Variants in LAMA2 observed in about 807,000 individuals in gnomAD.
The protein encoded by LAMA2 is laminin subunit alpha-2.
LAMA2 carries 269 observed loss-of-function variants against 364.8 expected under a neutral mutation model. The ratio of observed to expected loss-of-function variants is 0.74; its 90% CI spans 0.67 to 0.82. LAMA2 has a LOEUF of 0.82. Ranked by LOEUF, LAMA2 falls within the 40% of genes least tolerant of loss-of-function variation. The pLI is 0.00. For missense variants in LAMA2, 3,807 were observed against 3,873.2 expected (o/e 0.98, Z 0.45); for synonymous variants, 1,379 against 1,370.6 (o/e 1.01, Z -0.14).
chr6:129,400,076 G>T (rs1322711542), intron 37 of LAMA2, among the ~76,000 whole-genome samples: 1 of 152,184 alleles, frequency 6.6e-6, no homozygotes, highest in Admixed American at 6.5e-5. Flanking sequence ...CATGATCAAA[G>T]TATTGGCAGA....
chr6:129,344,542 G>C (rs966969317), intron 30 of LAMA2, among the ~76,000 whole-genome samples: 2 of 152,168 alleles, frequency 1.3e-5, no homozygotes, highest in African/African-American at 2.4e-5. Flanking sequence ...GCAAATAGCT[G>C]CAGGAAATGG....
chr6:129,452,692 G>C (rs931405620), intron 45 of LAMA2, among the ~76,000 whole-genome samples: 1 of 152,090 alleles, frequency 6.6e-6, no homozygotes, highest in Non-Finnish European at 1.5e-5. Flanking sequence ...TTCCCATATT[G>C]ATAATGGAGA....
intron 1 of LAMA2, among the ~76,000 whole-genome samples, chr6:129,036,629 G>A (rs1217695399): frequency 1.3e-5 from 2 of 149,570 alleles, no homozygotes; most frequent in Admixed American, 6.6e-5. Context: ...TACTTTTTCT[G>A]ATTAAAAAAA....
intron 16 of LAMA2, among the ~76,000 whole-genome samples, chr6:129,269,775 A>G (rs1269396826): frequency 6.6e-6 from 1 of 152,146 alleles, no homozygotes; most frequent in Non-Finnish European, 1.5e-5. Context: ...AAATCGGGGA[A>G]AAAATCTTTC....
At chr6:129,138,078 G>T (rs1016387055) in intron 4 of LAMA2, among the ~76,000 whole-genome samples, 1 of 151,880 alleles carries the variant, frequency 6.6e-6, no homozygotes, top group African/African-American at 2.4e-5. Context: ...TTTGAGGAAA[G>T]GGCCTAAAGA....
intron 1 of LAMA2, among the ~76,000 whole-genome samples, chr6:128,947,777 T>C (rs1327399492): frequency 1.3e-5 from 2 of 152,088 alleles, no homozygotes; most frequent in African/African-American, 2.4e-5. Context: ...TTGTGGGACA[T>C]AGAGGGAGAC....
At position 129,263,139 on chromosome 6, in the gene LAMA2, GT is replaced by G. The variant is rs371094072; in HGVS notation, c.2208+2320del. On this transcript the variant is annotated intron_variant, in intron 15 of 64. Transcript: ENST00000421865. ...ATAATATTAACCACCTCATAGAATT[GT>G]TTGTTTGTTCGTACTTTCATTTAGC... 2.8e-4 allele frequency among the ~76,000 whole-genome samples: 43 copies of G among 152,150 alleles called. No individual in the cohort carries two copies. In the East Asian group the frequency reaches 7.7e-3, roughly 27 times the overall value.
intron 60 of LAMA2, among the ~76,000 whole-genome samples, 197 bp downstream of exon 60, chr6:129,503,477 G>A (rs1443285918): frequency 6.6e-6 from 1 of 152,126 alleles, no homozygotes; most frequent in Non-Finnish European, 1.5e-5. Flanking sequence ...TTTGACCACT[G>A]GCATGCCTCA....
At chr6:129,140,458 C>G (rs1290399839) in intron 4 of LAMA2, among the ~76,000 whole-genome samples, 1 of 152,034 alleles carries the variant, frequency 6.6e-6, no homozygotes, top group South Asian at 2.1e-4. Context: ...GGAATGAATT[C>G]CTGTGACAGC....
rs1228811627 is a variant in LAMA2, at chr6:129,170,127, T to C, written c.1306+4452T>C. Among the ~76,000 whole-genome samples the C allele has an allele frequency of 4.0e-5, 6 of 151,426 alleles. No homozygotes were observed. In the East Asian group the frequency reaches 7.8e-4, roughly 20 times the overall value. The stretch of plus-strand genomic sequence containing the variant: ...TCAAAAAACCAGCTCCTGGATTCAT[T>C]AATTTTTTGAAGGGTTTTTTGTGTC... On this transcript the variant is annotated intron_variant, in intron 9 of 64. Transcript: ENST00000421865.
intron 36 of LAMA2, among the ~76,000 whole-genome samples, chr6:129,392,701 C>T (rs1233670714): frequency 6.6e-6 from 1 of 152,102 alleles, no homozygotes; most frequent in African/African-American, 2.4e-5. Context: ...GAAAAGGTCT[C>T]AGTACAATGA....
At chr6:128,969,537 C>T (rs996618424) in intron 1 of LAMA2, among the ~76,000 whole-genome samples, 1 of 151,962 alleles carries the variant, frequency 6.6e-6, no homozygotes, top group African/African-American at 2.4e-5. Context: ...CTCAAGCGAT[C>T]CTCCTGCCTC....
At chr6:129,459,516 C>T (rs766601403) in intron 48 of LAMA2, among the ~76,000 whole-genome samples, 10 of 152,066 alleles carry the variant, frequency 6.6e-5, no homozygotes, top group Non-Finnish European at 1.2e-4. Flanking sequence ...GCTGTGTATA[C>T]AAGCAAACGA....
intron 10 of LAMA2, among the ~76,000 whole-genome samples, chr6:129,184,436 A>G (rs1781111659): frequency 6.6e-6 from 1 of 151,896 alleles, no homozygotes; most frequent in South Asian, 2.1e-4. Context: ...CAAATTTTGG[A>G]AAGTCTTCTC....
chr6:129,335,727 G>A (rs1775919322), intron 29 of LAMA2, among the ~76,000 whole-genome samples: 2 of 152,104 alleles, frequency 1.3e-5, no homozygotes, highest in African/African-American at 4.8e-5. Context: ...AACCTTGCCA[G>A]AATAGAGATT....
At chr6:129,455,948 T>C (rs138094548) in intron 47 of LAMA2, among the ~76,000 whole-genome samples, 2 of 152,296 alleles carry the variant, frequency 1.3e-5, no homozygotes, top group East Asian at 3.9e-4. Flanking sequence ...AATAAAGTAA[T>C]ATAAACTTGC....
intron 1 of LAMA2, among the ~76,000 whole-genome samples, chr6:128,998,742 G>T (rs1784175278): frequency 4.3e-5 from 1 of 23,186 alleles, no homozygotes; most frequent in South Asian, 1.1e-3. Context: ...GGCTCGGAGG[G>T]TCCTACGCCC....
At chr6:129,174,085 C>G (rs1333929975) in intron 9 of LAMA2, among the ~76,000 whole-genome samples, 2 of 151,966 alleles carry the variant, frequency 1.3e-5, no homozygotes, top group Non-Finnish European at 2.9e-5. Flanking sequence ...AAATTCTTTA[C>G]TTATAATAAT....
chr6:129,216,246 T>C (rs1783416996), intron 12 of LAMA2, among the ~76,000 whole-genome samples: 1 of 152,190 alleles, frequency 6.6e-6, no homozygotes, highest in African/African-American at 2.4e-5. Flanking sequence ...CTGTTCTCTT[T>C]TGTTTTTATG....
Sources: allele counts gnomAD v4.1 joint callset (sites outside exome capture counted in the v4.1 genomes callset), GRCh38; gene constraint gnomAD v4.1.1; transcripts MANE v1.5; gene names NCBI Gene and HGNC (gene_info 2026-07-23, HGNC 2026-07-21).